CFDP1: variants seen among roughly 807,000 people sequenced by gnomAD.
CFDP1 encodes heterochromatin-stabilizing protein CFDP1.
Under a neutral mutation model 40.1 loss-of-function variants are expected in CFDP1, and 31 were observed. The ratio of observed to expected loss-of-function variants is 0.77; its 90% CI spans 0.58 to 1.04. The LOEUF (loss-of-function observed/expected upper bound fraction) is 1.04, where lower values mean the gene tolerates loss of function less well. Among genes scored for constraint, CFDP1 ranks in the 50% least tolerant of loss-of-function variants. The probability of loss-of-function intolerance (pLI) is 0.00; values close to 1 mark genes in which losing one functional copy is unlikely to be tolerated. For synonymous variants in CFDP1, 167 were observed against 120.0 expected, an observed-to-expected ratio of 1.39 and a Z score of -2.56; for missense variants, 423 against 343.4, an observed-to-expected ratio of 1.23 and a Z score of -1.83.
chr16:75,424,991 G>T (rs2079320777), intron 1 of CFDP1, among the ~76,000 whole-genome samples: 1 of 151,992 alleles, frequency 6.6e-6, no homozygotes, highest in Non-Finnish European at 1.5e-5. Context: ...GTTTAGCAAG[G>T]TTGTAGAATA....
At chr16:75,384,568 T>C (rs1273756782) in intron 5 of CFDP1, among the ~76,000 whole-genome samples, 1 of 152,116 alleles carries the variant, frequency 6.6e-6, no homozygotes, top group Non-Finnish European at 1.5e-5. Context: ...AAGATGCACA[T>C]ACCCAATGAC....
At chr16:75,346,629 A>G (rs1044845992) in intron 5 of CFDP1, among the ~76,000 whole-genome samples, 4 of 148,150 alleles carry the variant, frequency 2.7e-5, no homozygotes, top group Non-Finnish European at 4.5e-5. Flanking sequence ...TACCAGGTGG[A>G]CAGGATGAAG....
chr16:75,339,578 C>T (rs1269252744), intron 5 of CFDP1, among the ~76,000 whole-genome samples: 1 of 152,156 alleles, frequency 6.6e-6, no homozygotes, highest in Non-Finnish European at 1.5e-5. Context: ...TGCCAATCTC[C>T]ATCGGTTACA....
intron 1 of CFDP1, chr16:75,419,142 A>G: frequency 2.9e-6 from 1 of 343,624 alleles, no homozygotes; most frequent in Non-Finnish European, 6.0e-6. Context: ...TCAAATTAAA[A>G]GGATACAAGA....
intron 5 of CFDP1, among the ~76,000 whole-genome samples, chr16:75,309,586 C>G (rs374417176): frequency 6.6e-6 from 1 of 152,014 alleles, no homozygotes; most frequent in African/African-American, 2.4e-5. Context: ...TTTGGGAAGC[C>G]GAGGCGGGCG....
At chr16:75,405,436 G>C (rs1232203652) in intron 4 of CFDP1, among the ~76,000 whole-genome samples, 1 of 151,506 alleles carries the variant, frequency 6.6e-6, no homozygotes, top group African/African-American at 2.4e-5. Flanking sequence ...CACCAGGCTG[G>C]ATAAACCCAT....
chr16:75,355,157 T>C (rs1038403826), intron 5 of CFDP1, among the ~76,000 whole-genome samples: 7 of 152,190 alleles, frequency 4.6e-5, no homozygotes, highest in African/African-American at 1.7e-4. Context: ...ATCAAAATCA[T>C]TTTGTTGGAA....
In CFDP1 at chr16:75,346,582, C is replaced by CAAA. The variant is rs748081401; in HGVS notation, c.651-41403_651-41401dup. On this transcript the variant is annotated intron_variant, in intron 5 of 6. Coordinates refer to ENST00000283882, the MANE Select transcript of CFDP1 (RefSeq NM_006324.3). ...TGGGTGACAGAGCAAGACTCTGTCT[C>CAAA]AAAAAAAAAAAAAAAAAAAAAAAAA... Among the ~76,000 whole-genome samples, 84 of 59,342 alleles carry CAAA rather than the reference C, an allele frequency of 1.4e-3. 1 individual carries two copies. The highest frequency in any genetic ancestry group is 2.1e-3 in the South Asian group (3 of 1,440). The allele number at this position is 59,342 out of a possible 152,430, so 38.9% of individuals were successfully genotyped here.
chr16:75,382,214 G>A (rs1244779254), intron 5 of CFDP1, among the ~76,000 whole-genome samples: 3 of 151,718 alleles, frequency 2.0e-5, no homozygotes, highest in South Asian at 2.1e-4. Context: ...ATACTATATT[G>A]GGATAGAGTT....
intron 5 of CFDP1, among the ~76,000 whole-genome samples, chr16:75,356,320 A>C (rs149950139): frequency 3.7e-4 from 57 of 152,364 alleles, no homozygotes; most frequent in African/African-American, 1.2e-3. Flanking sequence ...AATGGATGTT[A>C]ACAGTAAACA....
At chr16:75,371,637 T>A (rs930872224) in intron 5 of CFDP1, among the ~76,000 whole-genome samples, 1 of 152,192 alleles carries the variant, frequency 6.6e-6, no homozygotes, top group African/African-American at 2.4e-5. Context: ...AGCCTAACAT[T>A]CATAGGAAGA....
At chr16:75,432,369 CT>C (rs1161246307) in intron 1 of CFDP1, among the ~76,000 whole-genome samples, 14 of 13,662 alleles carry the variant, frequency 1.0e-3, no homozygotes, top group African/African-American at 1.9e-3. Flanking sequence ...GATGCCATTT[CT>C]AAAAAAAAAA....
intron 4 of CFDP1, among the ~76,000 whole-genome samples, chr16:75,411,237 CA>C (rs1473138953): frequency 1.3e-5 from 2 of 151,408 alleles, no homozygotes; most frequent in Admixed American, 6.6e-5. Flanking sequence ...AAAAACAAAA[CA>C]AAAAAACTAC....
At chr16:75,419,874 G>A (rs2079257055) in intron 1 of CFDP1, among the ~76,000 whole-genome samples, 1 of 152,078 alleles carries the variant, frequency 6.6e-6, no homozygotes, top group Non-Finnish European at 1.5e-5. Context: ...AGCAGCCCTT[G>A]GGTCTGCTCT....
chr16:75,384,054 AAC>A (rs2078872894), intron 5 of CFDP1, among the ~76,000 whole-genome samples: 2 of 152,186 alleles, frequency 1.3e-5, no homozygotes, highest in Non-Finnish European at 2.9e-5. Flanking sequence ...CTGTTTTGGT[AAC>A]AGTTTTCAAA....
intron 4 of CFDP1, among the ~76,000 whole-genome samples, chr16:75,407,702 TG>T (rs1174712052): frequency 6.6e-6 from 1 of 151,674 alleles, no homozygotes; most frequent in Non-Finnish European, 1.5e-5. Flanking sequence ...ATAGGAAATT[TG>T]GGCTTCCAGA....
chr16:75,383,518 G>C (rs1452712420), intron 5 of CFDP1, among the ~76,000 whole-genome samples: 3 of 152,130 alleles, frequency 2.0e-5, no homozygotes, highest in Non-Finnish European at 4.4e-5. Flanking sequence ...CATTTGCAAA[G>C]GATCAATAAG....
chr16:75,336,852 T>C (rs1397556798), intron 5 of CFDP1, among the ~76,000 whole-genome samples: 1 of 152,264 alleles, frequency 6.6e-6, no homozygotes, highest in Non-Finnish European at 1.5e-5. Flanking sequence ...AATTTGTCTC[T>C]TTATTAACAA....
intron 1 of CFDP1, among the ~76,000 whole-genome samples, chr16:75,422,801 T>C (rs2079295204): frequency 6.6e-6 from 1 of 152,052 alleles, no homozygotes; most frequent in South Asian, 2.1e-4. Context: ...AGCTGTGATC[T>C]TGCCACTGCA....
Sources: gnomAD v4.1 joint callset for allele counts (sites outside exome capture counted in the v4.1 genomes callset) on GRCh38, gnomAD v4.1.1 for gene constraint, MANE v1.5 for transcripts, NCBI Gene and HGNC (gene_info 2026-07-23, HGNC 2026-07-21) for gene names.